The following FTO variants were observed in gnomAD, a reference collection of about 807,000 sequenced individuals.
The protein encoded by FTO is alpha-ketoglutarate-dependent dioxygenase FTO.
FTO carries 47 observed loss-of-function variants against 63.9 expected under a neutral mutation model. The ratio of observed to expected loss-of-function variants is 0.74; its 90% CI spans 0.58 to 0.94. The LOEUF (loss-of-function observed/expected upper bound fraction) is 0.94, where lower values mean the gene tolerates loss of function less well. Ranked by LOEUF, FTO falls within the 40% of genes least tolerant of loss-of-function variation. FTO has a pLI of 0.00. For missense variants in FTO, 562 were observed against 618.1 expected, an observed-to-expected ratio of 0.91 and a Z score of 0.96; for synonymous variants, 207 against 224.4, an observed-to-expected ratio of 0.92 and a Z score of 0.69.
intron 3 of FTO, among the ~76,000 whole-genome samples, chr16:53,838,699 T>A (rs979064150): frequency 2.6e-5 from 4 of 151,958 alleles, no homozygotes; most frequent in Non-Finnish European, 4.4e-5. Flanking sequence ...ATTAGCCACG[T>A]GTGGTGGCAC....
At chr16:54,078,477 T>G (rs1363196925) in intron 8 of FTO, among the ~76,000 whole-genome samples, 1 of 151,780 alleles carries the variant, frequency 6.6e-6, no homozygotes, top group African/African-American at 2.4e-5. Flanking sequence ...TATCCCTTAC[T>G]AAATACTGTG....
intron 4 of FTO, among the ~76,000 whole-genome samples, chr16:53,854,829 G>T (rs1241290769): frequency 6.6e-6 from 1 of 152,032 alleles, no homozygotes; most frequent in Non-Finnish European, 1.5e-5. Flanking sequence ...AATTACATTG[G>T]TATTTTGATA....
At chr16:54,030,558 A>AT (rs200766122) in intron 8 of FTO, among the ~76,000 whole-genome samples, 4,674 of 151,218 alleles carry the variant, frequency 0.031, 119 homozygotes, top group Middle Eastern at 0.12. Context: ...CTTAGTCCTC[A>AT]TTTTTTTTTG....
chr16:54,079,582 G>A (rs1258364937), intron 8 of FTO, among the ~76,000 whole-genome samples: 1 of 152,156 alleles, frequency 6.6e-6, no homozygotes, highest in African/African-American at 2.4e-5. Context: ...AAAACTGCAG[G>A]AAGTGCAATA....
At chr16:53,905,889 T>C (rs1221630959) in intron 7 of FTO, among the ~76,000 whole-genome samples, 1 of 152,182 alleles carries the variant, frequency 6.6e-6, no homozygotes, top group Admixed American at 6.5e-5. Context: ...GGTGCTTTGT[T>C]TGTGATATTT....
At chr16:53,969,295 A>G (rs1254242446) in intron 8 of FTO, among the ~76,000 whole-genome samples, 1 of 152,218 alleles carries the variant, frequency 6.6e-6, no homozygotes. Flanking sequence ...TTTATCTGAA[A>G]TAACTCTCTT....
intron 7 of FTO, among the ~76,000 whole-genome samples, chr16:53,929,083 T>C (rs150332684): frequency 7.9e-5 from 12 of 152,260 alleles, no homozygotes; most frequent in African/African-American, 2.9e-4. Context: ...TCTCAGATGA[T>C]CTACCTGCCT....
intron 8 of FTO, among the ~76,000 whole-genome samples, chr16:54,012,871 T>A (rs576590166): frequency 6.6e-6 from 1 of 152,072 alleles, no homozygotes; most frequent in South Asian, 2.1e-4. Flanking sequence ...TCAGTGCTCA[T>A]TGACAATGCA....
intron 3 of FTO, among the ~76,000 whole-genome samples, chr16:53,828,009 C>T (rs1035932813): frequency 3.3e-5 from 5 of 152,160 alleles, no homozygotes; most frequent in Non-Finnish European, 5.9e-5. Flanking sequence ...GTACTCCCTT[C>T]CCGTGGGTGA....
chr16:53,839,638 AGT>A (rs1247238280), intron 3 of FTO, among the ~76,000 whole-genome samples: 6 of 152,150 alleles, frequency 3.9e-5, no homozygotes, highest in Non-Finnish European at 5.9e-5. Context: ...AAGGGAAAGT[AGT>A]CAAGCAGACT....
intron 4 of FTO, among the ~76,000 whole-genome samples, chr16:53,859,782 G>T (rs1375898555): frequency 6.6e-6 from 1 of 152,096 alleles, no homozygotes; most frequent in Non-Finnish European, 1.5e-5. Context: ...ATAGACAATA[G>T]ATAACAAGTG....
chr16:53,989,446 G>A (rs189580831), intron 8 of FTO, among the ~76,000 whole-genome samples: 44 of 152,234 alleles, frequency 2.9e-4, no homozygotes, highest in Non-Finnish European at 4.7e-4. Context: ...CTGGGGTCTC[G>A]AACCCAGTAG....
chr16:54,008,448 T>C (rs2084261590), intron 8 of FTO: 1 of 151,960 alleles, frequency 6.6e-6, no homozygotes, highest in Admixed American at 6.6e-5. Context: ...TCGTTTATAC[T>C]TCCAAAGGAT....
chr16:53,768,706 T>C (rs1234270401), intron 1 of FTO, among the ~76,000 whole-genome samples: 2 of 152,146 alleles, frequency 1.3e-5, no homozygotes, highest in African/African-American at 4.8e-5. Context: ...ATGCATTTAA[T>C]CTAGATTTGT....
intron 8 of FTO, among the ~76,000 whole-genome samples, chr16:53,977,048 A>G (rs533152524): frequency 1.3e-5 from 2 of 152,266 alleles, no homozygotes; most frequent in African/African-American, 4.8e-5. Context: ...TAGGGATAAT[A>G]GGCACCCTTT....
Position 53,895,657 on chromosome 16 carries a change from A to G in FTO, c.1239+6706A>G, listed in dbSNP as rs528015073. ...ATCTCCAGGAACATCAGAGCAAACC[A>G]GTGGGTAGGACTTTCTGTTTTTAAC... On this transcript the variant is annotated intron_variant, in intron 7 of 8. Transcript: ENST00000471389. Among the ~76,000 whole-genome samples, 4 of 152,342 alleles carry G rather than the reference A, an allele frequency of 2.6e-5. No individual in the cohort carries two copies. In the South Asian group the frequency reaches 8.3e-4, roughly 32 times the overall value.
At chr16:53,975,624 T>C (rs777092475) in intron 8 of FTO, among the ~76,000 whole-genome samples, 1 of 152,010 alleles carries the variant, frequency 6.6e-6, no homozygotes, top group Non-Finnish European at 1.5e-5. Flanking sequence ...TCAGACTCTC[T>C]GTACTCTACG....
chr16:53,840,698 C>T (rs2079449162), intron 3 of FTO, among the ~76,000 whole-genome samples: 1 of 152,134 alleles, frequency 6.6e-6, no homozygotes, highest in African/African-American at 2.4e-5. Flanking sequence ...TCTCTGCAAC[C>T]CAGCTCTTGA....
At chr16:53,891,346 C>CT (rs5816910) in intron 7 of FTO, among the ~76,000 whole-genome samples, 97,843 of 147,320 alleles carry the variant, frequency 0.66, 33,315 homozygotes, top group East Asian at 0.91. Flanking sequence ...TGTTCAAGAG[C>CT]TTTTTTTTTT....
Sources: gnomAD v4.1 joint callset for allele counts (sites outside exome capture counted in the v4.1 genomes callset) on GRCh38, gnomAD v4.1.1 for gene constraint, MANE v1.5 for transcripts, NCBI Gene and HGNC (gene_info 2026-07-23, HGNC 2026-07-21) for gene names.